Variants in SAMTOR observed in about 807,000 individuals in gnomAD.
SAMTOR encodes the protein UPF0532 protein C7orf60.
At chr7:112,905,538 A>C in the SAMTOR span, among the ~76,000 whole-genome samples, 1 of 152,214 alleles carries the variant, frequency 6.6e-6, no homozygotes, top group Non-Finnish European at 1.5e-5. Context: ...AATATGAATA[A>C]AAATATGAAA....
At chr7:112,879,308 T>C in the SAMTOR span, among the ~76,000 whole-genome samples, 1 of 151,602 alleles carries the variant, frequency 6.6e-6, no homozygotes, top group African/African-American at 2.4e-5. Context: ...CATGTGCAGC[T>C]GCCATACGCT....
chr7:112,848,606 A>AG, the SAMTOR span, among the ~76,000 whole-genome samples: 7 of 152,104 alleles, frequency 4.6e-5, no homozygotes, highest in Non-Finnish European at 1.0e-4. Flanking sequence ...GATCAAATGG[A>AG]GGGGGATGGT....
At chr7:112,939,445 G>A in the SAMTOR span, 3 of 1,322,426 alleles carry the variant, frequency 2.3e-6, no homozygotes, top group African/African-American at 4.4e-5. Context: ...AGGGGGCTCA[G>A]ACCAGGCCCG....
chr7:112,884,745 C>T, the SAMTOR span, among the ~76,000 whole-genome samples: 1 of 152,164 alleles, frequency 6.6e-6, no homozygotes, highest in South Asian at 2.1e-4. Context: ...TCCAGGTGCA[C>T]AATGCAAGCT....
chr7:112,847,941 C>T, the SAMTOR span, among the ~76,000 whole-genome samples: 2 of 152,182 alleles, frequency 1.3e-5, no homozygotes, highest in Non-Finnish European at 2.9e-5. Flanking sequence ...AAGTTCAAGA[C>T]CAGCACAGAC....
chr7:112,939,434 TA>T, the SAMTOR span: 1 of 1,144,388 alleles, frequency 8.7e-7, no homozygotes, highest in Admixed American at 2.6e-5. Context: ...TGATGCCGAC[TA>T]GGGGGCTCAG....
chr7:112,870,194 C>T, the SAMTOR span, among the ~76,000 whole-genome samples: 1 of 152,028 alleles, frequency 6.6e-6, no homozygotes, highest in Non-Finnish European at 1.5e-5. Flanking sequence ...TGCAGAAATC[C>T]AGAGAAGTCC....
the SAMTOR span, chr7:112,819,316 T>C: frequency 1.9e-4 from 29 of 152,656 alleles, no homozygotes; most frequent in African/African-American, 6.0e-4. Context: ...ATGATTACCA[T>C]TTGTTTTTGA....
the SAMTOR span, among the ~76,000 whole-genome samples, chr7:112,856,529 T>A: frequency 7.9e-5 from 12 of 152,258 alleles, no homozygotes; most frequent in East Asian, 1.9e-3. Context: ...GGATTACTTA[T>A]TTACTTCTTT....
chr7:112,897,176 G>A, the SAMTOR span, among the ~76,000 whole-genome samples: 10 of 152,240 alleles, frequency 6.6e-5, no homozygotes, highest in South Asian at 8.3e-4. Context: ...GTGTGGGGAC[G>A]AGTGCAAAGG....
the SAMTOR span, among the ~76,000 whole-genome samples, chr7:112,866,693 C>T: frequency 1.3e-5 from 2 of 152,174 alleles, no homozygotes; most frequent in South Asian, 4.1e-4. Context: ...ATAGCAGCTG[C>T]CCCATAAACT....
At chr7:112,938,388 A>C in the SAMTOR span, among the ~76,000 whole-genome samples, 1 of 152,248 alleles carries the variant, frequency 6.6e-6, no homozygotes, top group Admixed American at 6.5e-5. Context: ...AGAAACCTTT[A>C]AAGTTTGAAA....
chr7:112,911,669 G>T, the SAMTOR span, among the ~76,000 whole-genome samples: 1 of 151,718 alleles, frequency 6.6e-6, no homozygotes, highest in East Asian at 1.9e-4. Flanking sequence ...TTTTAAAATA[G>T]AGAAAAAGAC....
the SAMTOR span, among the ~76,000 whole-genome samples, chr7:112,834,866 G>T: frequency 6.6e-6 from 1 of 151,848 alleles, no homozygotes; most frequent in East Asian, 1.9e-4. Flanking sequence ...ACATCATAAG[G>T]GTAAGTGAAG....
chr7:112,882,009 GCT>G, the SAMTOR span, among the ~76,000 whole-genome samples: 1 of 152,230 alleles, frequency 6.6e-6, no homozygotes, highest in Non-Finnish European at 1.5e-5. Flanking sequence ...CCTCTTTGGG[GCT>G]CTGTGGTTTC....
chr7:112,821,915 A>G, the SAMTOR span: 4 of 1,613,096 alleles, frequency 2.5e-6, no homozygotes, highest in Non-Finnish European at 3.4e-6. Flanking sequence ...AATATTCCTC[A>G]TCTTCTATAC....
chr7:112,888,107 A>C, the SAMTOR span, among the ~76,000 whole-genome samples: 9 of 152,258 alleles, frequency 5.9e-5, no homozygotes, highest in African/African-American at 1.9e-4. Context: ...AACATACTAC[A>C]AATTTGATGA....
chr7:112,915,811 C>G, the SAMTOR span, among the ~76,000 whole-genome samples: 1 of 152,026 alleles, frequency 6.6e-6, no homozygotes, highest in Non-Finnish European at 1.5e-5. Context: ...TGGTAAGAAA[C>G]AATTACAGCT....
chr7:112,891,938 C>A, the SAMTOR span, among the ~76,000 whole-genome samples: 9 of 152,356 alleles, frequency 5.9e-5, no homozygotes, highest in Non-Finnish European at 1.0e-4. Context: ...TTGCCACATA[C>A]ATTGGCTGTA....
Sources: allele counts gnomAD v4.1 joint callset (sites outside exome capture counted in the v4.1 genomes callset), GRCh38; gene constraint gnomAD v4.1.1; transcripts MANE v1.5; gene names NCBI Gene and HGNC (gene_info 2026-07-23, HGNC 2026-07-21).